The following ZNF594 variants were observed in gnomAD, a reference collection of about 807,000 sequenced individuals.
The protein encoded by ZNF594 is zinc finger protein 594.
For synonymous variants in ZNF594, 336 were observed against 309.4 expected (o/e 1.09, Z -0.90); for missense variants, 1,037 against 964.6 (o/e 1.08, Z -0.99).
intron 1 of ZNF594, chr17:5,184,492 CTGGGCTG>C (rs993430176): frequency 7.7e-6 from 4 of 521,750 alleles, no homozygotes; most frequent in Non-Finnish European, 1.3e-5. Flanking sequence ...CAGGCTGGAG[CTGGGCTG>C]TGGGAGTGGC....
Position 5,182,119 on chromosome 17 carries a change from C to T in ZNF594, c.2138G>A (p.Cys713Tyr). 6.2e-7 allele frequency: 1 copy of T among 1,613,676 alleles called. No homozygotes were observed. The highest frequency in any genetic ancestry group is 8.5e-7 in the Non-Finnish European group (1 of 1,179,998). ...SGEKPYECKE[C>Y]GKLFMWHTAF... is the part of the protein sequence containing the mutation. ...CGTGTGCCACATGAAGAGTTTCCCA[C>T]ATTCCTTACATTCATAGGGTTTCTC... is the stretch of plus-strand genomic sequence containing the variant. The change falls in exon 2 of 2, where the codon TGT (cysteine) becomes TAT (tyrosine). Residue 713 changes from cysteine to tyrosine, a missense_variant. Transcript: ENST00000575779.
downstream of ZNF594, chr17:5,179,396 C>T (rs2074323967): frequency 6.0e-6 from 1 of 166,632 alleles, no homozygotes; most frequent in Non-Finnish European, 1.4e-5. Context: ...GACAAGCTGA[C>T]CCTGGCCGGA....
At position 5,183,208 on chromosome 17, in the gene ZNF594, A is replaced by G. The variant is rs774636233; in HGVS notation, c.1049T>C (p.Ile350Thr). 8.9e-5 allele frequency: 143 copies of G among 1,613,640 alleles called. No individual in the cohort carries two copies. The highest frequency in any genetic ancestry group is 3.6e-4 in the African/African-American group (27 of 74,872). ...KHQRLHAGEKIEECEKTFSKD... is the reference protein window; with the variant it reads ...KHQRLHAGEKTEECEKTFSKD... Reference sequence around the variant, plus strand: ...GCTGAAGGTTTTCTCACATTCTTCAATTTTCTCTCCAGCATGCAATCTCTG... The same window carrying G: ...GCTGAAGGTTTTCTCACATTCTTCAGTTTTCTCTCCAGCATGCAATCTCTG... The change falls in exon 2 of 2, where the codon ATT (isoleucine) becomes ACT (threonine). Residue 350 changes from isoleucine (I) to threonine (T), a missense_variant. Coordinates refer to ENST00000575779, the MANE Select transcript of ZNF594 (RefSeq NM_032530.2).
At chr17:5,191,487 C>T (rs2074424095) in intron 1 of ZNF594, 1 of 152,204 alleles carries the variant, frequency 6.6e-6, no homozygotes, top group Non-Finnish European at 1.5e-5. Flanking sequence ...GGATTCTGGG[C>T]CTCGGGAAGA....
chr17:5,174,363 C>T, the ZNF594 span: 1 of 190,740 alleles, frequency 5.2e-6, no homozygotes, highest in Non-Finnish European at 1.1e-5. Flanking sequence ...ACCCTTTCTT[C>T]CTCATAGGTA....
In ZNF594 at chr17:5,183,913, G is replaced by C. The variant is rs1567826837; in HGVS notation, c.344C>G (p.Thr115Ser). ...TATATTATGAATTTTCTGATGTTCA[G>C]TTAATCCTGACTTCTGTTTGAAGTT... Reference protein sequence around the residue: ...GQNFKQKSGLTEHQKIHNINK... With the variant: ...GQNFKQKSGLSEHQKIHNINK... The change falls in exon 2 of 2, where the codon ACT (threonine) becomes AGT (serine). Residue 115 changes from threonine to serine, a missense_variant. By Grantham distance (58) the Thr-to-Ser change is moderately conservative (BLOSUM62 1). Transcript: ENST00000575779. 6.2e-7 allele frequency: 1 copy of C among 1,613,576 alleles called. No homozygotes were observed. The highest frequency in any genetic ancestry group is 1.7e-5 in the Admixed American group (1 of 59,976).
downstream of ZNF594, among the ~76,000 whole-genome samples, chr17:5,177,057 G>A (rs1391511022): frequency 2.0e-5 from 3 of 151,988 alleles, no homozygotes; most frequent in East Asian, 5.8e-4. Flanking sequence ...TTAGCCAGGC[G>A]GGGTGGCGGG....
intron 1 of ZNF594, among the ~76,000 whole-genome samples, chr17:5,190,760 CCA>C (rs1177384944): frequency 6.6e-6 from 1 of 152,132 alleles, no homozygotes; most frequent in East Asian, 1.9e-4. Flanking sequence ...CGGACAGACT[CCA>C]TTTTAGTTTC....
At chr17:5,186,832 A>G (rs1178726839) in intron 1 of ZNF594, among the ~76,000 whole-genome samples, 2 of 152,204 alleles carry the variant, frequency 1.3e-5, no homozygotes, top group Non-Finnish European at 2.9e-5. Context: ...GCTAAAACAT[A>G]ACAAGAGTCA....
chr17:5,177,837 C>CAAAAAAT (rs2074316263), downstream of ZNF594, among the ~76,000 whole-genome samples: 1 of 151,322 alleles, frequency 6.6e-6, no homozygotes, highest in South Asian at 2.1e-4. Context: ...CTCTGTCCCC[C>CAAAAAAT]AAAAAATAAA....
At chr17:5,190,004 G>A (rs543493953) in intron 1 of ZNF594, among the ~76,000 whole-genome samples, 1 of 152,110 alleles carries the variant, frequency 6.6e-6, no homozygotes, top group South Asian at 2.1e-4. Context: ...GAATACAAAT[G>A]TGATTACAGA....
At position 5,182,398 on chromosome 17, in the gene ZNF594, C is replaced by G; in HGVS notation, c.1859G>C (p.Gly620Ala). The change falls in exon 2 of 2, where the codon GGA becomes GCA. Residue 620 changes from glycine to alanine, a missense_variant. Transcript: ENST00000575779. ...DLLRHHRIHS[G>A]EKPYVCNKCG... ...TTTGTTGCATACATAAGGTTTTTCT[C>G]CACTGTGAATTCTATGATGTCTCAG... is the stretch of plus-strand genomic sequence containing the variant. 1.2e-6 allele frequency: 2 copies of G among 1,613,616 alleles called. No individual in the cohort carries two copies. Among genetic ancestry groups the G allele is most frequent in the Non-Finnish European group, 1.7e-6 (2 of 1,179,988 alleles).
chr17:5,186,483 G>C (rs2074387379), intron 1 of ZNF594, among the ~76,000 whole-genome samples: 1 of 152,228 alleles, frequency 6.6e-6, no homozygotes, highest in South Asian at 2.1e-4. Context: ...TGATGGGAGG[G>C]GCTGCTGTGA....
chr17:5,181,391 A>G lies in ZNF594; in HGVS notation c.*442T>C. The G allele has an allele frequency of 6.2e-7, 1 of 1,612,944 alleles. No individual in the cohort carries two copies. Among genetic ancestry groups the G allele is most frequent in the Non-Finnish European group, 8.5e-7 (1 of 1,179,104 alleles). On this transcript the variant is annotated 3_prime_UTR_variant, in exon 2 of 2. Coordinates refer to ENST00000575779, the MANE Select transcript of ZNF594 (RefSeq NM_032530.2). The stretch of plus-strand genomic sequence containing the variant: ...CCTGGAAAGCCCTACCACACTGATT[A>G]CACCAATAAGCTTTCTCTTCTTGGT...
chr17:5,181,116 C>T lies in ZNF594; in HGVS notation c.*717G>A. The T allele has an allele frequency of 6.4e-7, 1 of 1,557,866 alleles. No homozygotes were observed. The highest frequency in any genetic ancestry group is 2.2e-5 in the East Asian group (1 of 44,658). On this transcript the variant is annotated 3_prime_UTR_variant, in exon 2 of 2. Coordinates refer to ENST00000575779, the MANE Select transcript of ZNF594 (RefSeq NM_032530.2). ...ATGACTGACAAGGTGTGAGTTCTGACTGAAGGCCTTCCAACATTCAGGGCA... is the reference window on the plus strand; with the variant it reads ...ATGACTGACAAGGTGTGAGTTCTGATTGAAGGCCTTCCAACATTCAGGGCA...
At chr17:5,187,510 T>C (rs1008108861) in intron 1 of ZNF594, among the ~76,000 whole-genome samples, 1 of 152,194 alleles carries the variant, frequency 6.6e-6, no homozygotes, top group Non-Finnish European at 1.5e-5. Context: ...GTCCTGCTGA[T>C]AGGGACTCTA....
At chr17:5,184,326 C>T (rs2074372549) in intron 1 of ZNF594, 50 bp from the exon 2 acceptor site, 1 of 1,515,446 alleles carries the variant, frequency 6.6e-7, no homozygotes, top group African/African-American at 1.4e-5. Flanking sequence ...CAAATATCAT[C>T]TCTTCATTAT....
Position 5,183,258 on chromosome 17 carries a change from A to C in ZNF594, c.999T>G (p.Ser333Arg). ...YECHRCGKTF[S>R]GRTAFLKHQR... is the part of the protein sequence containing the mutation. ...GATGTTTAAGAAAAGCTGTGCGCCC[A>C]CTGAAGGTCTTCCCACATCTGTGAC... The change falls in exon 2 of 2, where the codon AGT (serine) becomes AGG (arginine). Residue 333 changes from serine to arginine, a missense_variant. Physicochemically the swap from Ser to Arg is moderately radical, Grantham distance 110. Coordinates refer to ENST00000575779, the MANE Select transcript of ZNF594 (RefSeq NM_032530.2). The C allele has an allele frequency of 6.2e-7, 1 of 1,613,948 alleles. No homozygotes were observed. The highest frequency in any genetic ancestry group is 1.1e-5 in the South Asian group (1 of 91,066).
Position 5,184,080 on chromosome 17 carries a change from G to C in ZNF594, c.177C>G (p.Leu59=), listed in dbSNP as rs1487741437. The change falls in exon 2 of 2, where the codon CTC becomes CTG. Residue 59 remains leucine (L), a synonymous_variant. Transcript: ENST00000575779. ...VSPLKDAMRH[L]PSQESGIREM... ...CCCTGATACCGCTCTCTTGGGAAGGGAGATGTCTCATTGCATCCTTTAAAG... is the reference window on the plus strand; with the variant it reads ...CCCTGATACCGCTCTCTTGGGAAGGCAGATGTCTCATTGCATCCTTTAAAG... 6.2e-7 allele frequency: 1 copy of C among 1,614,196 alleles called. No individual in the cohort carries two copies. The highest frequency in any genetic ancestry group is 1.1e-5 in the South Asian group (1 of 91,084).
Sources: gnomAD v4.1 joint callset for allele counts (sites outside exome capture counted in the v4.1 genomes callset) on GRCh38, gnomAD v4.1.1 for gene constraint, MANE v1.5 for transcripts, NCBI Gene and HGNC (gene_info 2026-07-23, HGNC 2026-07-21) for gene names.